ATE1: variants seen among roughly 807,000 people sequenced by gnomAD.
The protein encoded by ATE1 is arginyl-tRNA--protein transferase 1.
Under a neutral mutation model 70.5 loss-of-function variants are expected in ATE1, and 36 were observed. That is an observed-to-expected ratio of 0.51 (90% CI 0.39 to 0.67). The LOEUF is 0.67. ATE1 is among the 30% of genes least tolerant of loss of function. The pLI is 0.00. For missense variants in ATE1, 593 were observed against 629.5 expected (o/e 0.94, Z 0.62); for synonymous variants, 232 against 219.3 (o/e 1.06, Z -0.51).
chr10:121,902,581 G>C lies in ATE1; in HGVS notation c.623C>G (p.Ala208Gly). The change falls in exon 6 of 12, where the codon GCA (alanine) becomes GGA (glycine). Residue 208 changes from alanine (A) to glycine (G), a missense_variant. By Grantham distance (60) the Ala-to-Gly change is moderately conservative (BLOSUM62 0). Coordinates refer to ENST00000224652, the MANE Select transcript of ATE1 (RefSeq NM_001001976.3). ...ADLSKPPCRK[A>G]KEIRKERKRL... ...TTTCCTTTCTTTCCGGATTTCCTTT[G>C]CTTTTCGACATGGAGGCTTACTCAA... The C allele has an allele frequency of 6.2e-7, 1 of 1,613,618 alleles. No homozygotes were observed. Among genetic ancestry groups the C allele is most frequent in the Non-Finnish European group, 8.5e-7 (1 of 1,179,730 alleles).
At chr10:121,867,223 T>C (rs1214916468) in intron 8 of ATE1, among the ~76,000 whole-genome samples, 1 of 152,080 alleles carries the variant, frequency 6.6e-6, no homozygotes, top group East Asian at 1.9e-4. Flanking sequence ...AAAAACAGGG[T>C]CCTCTCTCAA....
chr10:121,767,973 A>G (rs901619102), intron 11 of ATE1, among the ~76,000 whole-genome samples: 2 of 152,248 alleles, frequency 1.3e-5, no homozygotes, highest in Admixed American at 6.5e-5. Flanking sequence ...AAGCAACCCA[A>G]TGGATGAACT....
intron 8 of ATE1, among the ~76,000 whole-genome samples, chr10:121,863,727 A>G (rs1471300630): frequency 6.6e-6 from 1 of 151,996 alleles, no homozygotes; most frequent in African/African-American, 2.4e-5. Flanking sequence ...TTCCCACCTC[A>G]GTCTCTCTCA....
chr10:121,906,355 C>T (rs1381973866), intron 5 of ATE1, among the ~76,000 whole-genome samples: 2 of 151,960 alleles, frequency 1.3e-5, no homozygotes, highest in Admixed American at 1.3e-4. Context: ...CGGCAAAACC[C>T]CCTCTCTACT....
At chr10:121,859,982 A>C (rs1949411902) in intron 8 of ATE1, among the ~76,000 whole-genome samples, 1 of 152,224 alleles carries the variant, frequency 6.6e-6, no homozygotes, top group African/African-American at 2.4e-5. Context: ...CTTGCTTTTT[A>C]AGGAAAATGT....
At chr10:121,875,097 C>T (rs1438153885) in intron 7 of ATE1, among the ~76,000 whole-genome samples, 1 of 145,388 alleles carries the variant, frequency 6.9e-6, no homozygotes, top group African/African-American at 2.5e-5. Flanking sequence ...CGAGACCGCA[C>T]CACTGCACTC....
At position 121,885,260 on chromosome 10, in the gene ATE1, CAAAAAAAAAAAA is replaced by C. The variant is rs1212899309; in HGVS notation, c.942+14594_942+14605del. 6.3e-4 allele frequency among the ~76,000 whole-genome samples: 21 copies of C among 33,392 alleles called. 1 individual carries two copies. Among genetic ancestry groups the C allele is most frequent in the Middle Eastern group, 0.029 (1 of 34 alleles). 21.9% of individuals were successfully genotyped at this position (33,392 alleles called of 152,430 possible). ...TGGGCAACAGAGCGAGACTCCGTCTCAAAAAAAAAAAAAAAAAAAAAAAAAGAGGCCGGGCGC... is the reference window on the plus strand; with the variant it reads ...TGGGCAACAGAGCGAGACTCCGTCTCAAAAAAAAAAAAAGAGGCCGGGCGC... On this transcript the variant is annotated intron_variant, in intron 7 of 11. Transcript: ENST00000224652.
intron 7 of ATE1, among the ~76,000 whole-genome samples, chr10:121,892,961 C>A (rs1002768226): frequency 6.6e-6 from 1 of 152,178 alleles, no homozygotes; most frequent in African/African-American, 2.4e-5. Context: ...TACATACTGT[C>A]CTTTCTTCTC....
chr10:121,787,409 T>C (rs1047789707), intron 11 of ATE1, among the ~76,000 whole-genome samples: 2 of 152,220 alleles, frequency 1.3e-5, no homozygotes, highest in African/African-American at 2.4e-5. Context: ...CACAGCAGGC[T>C]GAATACATTC....
At chr10:121,919,315 T>C (rs1038394503) in intron 3 of ATE1, among the ~76,000 whole-genome samples, 3 of 151,830 alleles carry the variant, frequency 2.0e-5, no homozygotes, top group Non-Finnish European at 2.9e-5. Context: ...CACCAGCACT[T>C]TGGGGGGCTG....
In ATE1 at chr10:121,899,990, C is replaced by T. The variant is rs370614627; in HGVS notation, c.818G>A (p.Arg273Lys). The T allele has an allele frequency of 9.3e-6, 15 of 1,612,794 alleles. 1 individual carries two copies. The African/African-American group carries it at 1.9e-4, about 20-fold the overall frequency. The change falls in exon 7 of 12, where the codon AGG becomes AAG. Residue 273 changes from arginine (R) to lysine (K), a missense_variant. Transcript: ENST00000224652. Reference sequence around the variant, plus strand: ...ACTTGGTGGAGATGATCTCACCACCCTCACCTTCAGAAGCAGTTAAAAAAA... The same window carrying T: ...ACTTGGTGGAGATGATCTCACCACCTTCACCTTCAGAAGCAGTTAAAAAAA... ...PENASHKLEV[R>K]VVRSSPPSSQ...
At chr10:121,903,986 T>C (rs1346525602) in intron 5 of ATE1, among the ~76,000 whole-genome samples, 1 of 106,744 alleles carries the variant, frequency 9.4e-6, no homozygotes, top group African/African-American at 3.0e-5. Context: ...CCAAATTTTC[T>C]TTTTTTTTTT....
intron 7 of ATE1, among the ~76,000 whole-genome samples, chr10:121,874,728 G>T (rs576573159): frequency 2.6e-5 from 4 of 152,152 alleles, no homozygotes; most frequent in Non-Finnish European, 4.4e-5. Flanking sequence ...CAACAAGGCC[G>T]GGTGCAGTGG....
chr10:121,748,532 A>G (rs890701538), intron 11 of ATE1, among the ~76,000 whole-genome samples: 3 of 152,184 alleles, frequency 2.0e-5, no homozygotes, highest in Non-Finnish European at 4.4e-5. Flanking sequence ...AAATTGGCTT[A>G]TGATGTCACT....
chr10:121,755,536 C>A (rs930342069), intron 11 of ATE1, among the ~76,000 whole-genome samples: 1 of 152,046 alleles, frequency 6.6e-6, no homozygotes, highest in South Asian at 2.1e-4. Context: ...TGTATTAGTC[C>A]GTTTTTACAC....
intron 11 of ATE1, among the ~76,000 whole-genome samples, chr10:121,748,929 C>T (rs978489489): frequency 1.3e-5 from 2 of 152,120 alleles, no homozygotes; most frequent in African/African-American, 2.4e-5. Context: ...TTGTTTAATA[C>T]TGCAAGTAAT....
intron 5 of ATE1, among the ~76,000 whole-genome samples, chr10:121,910,532 T>G (rs571658036): frequency 9.2e-5 from 14 of 152,316 alleles, no homozygotes; most frequent in African/African-American, 3.4e-4. Flanking sequence ...TTATAATGTC[T>G]GTATTTTGGA....
chr10:121,753,565 T>C (rs1212896679), intron 11 of ATE1, among the ~76,000 whole-genome samples: 1 of 152,126 alleles, frequency 6.6e-6, no homozygotes, highest in African/African-American at 2.4e-5. Context: ...ATCAGGCAAT[T>C]GCATACAAAA....
At chr10:121,809,417 C>T (rs150074538) in intron 10 of ATE1, among the ~76,000 whole-genome samples, 162 of 152,204 alleles carry the variant, frequency 1.1e-3, no homozygotes, top group African/African-American at 3.7e-3. Flanking sequence ...GGATGCAGCA[C>T]AAGCACTTTA....
Sources: gnomAD v4.1 joint callset for allele counts (sites outside exome capture counted in the v4.1 genomes callset) on GRCh38, gnomAD v4.1.1 for gene constraint, MANE v1.5 for transcripts, NCBI Gene and HGNC (gene_info 2026-07-23, HGNC 2026-07-21) for gene names.